The following GRK5 variants were observed in gnomAD, a reference collection of about 807,000 sequenced individuals.
GRK5 encodes the protein G protein-coupled receptor kinase 5, also known as g protein-coupled receptor kinase GRK5.
Under a neutral mutation model 78.4 loss-of-function variants are expected in GRK5, and 40 were observed. That is an observed-to-expected ratio of 0.51 (90% CI 0.40 to 0.66). The LOEUF is 0.66. Among genes scored for constraint, GRK5 ranks in the 30% least tolerant of loss-of-function variants. The probability of loss-of-function intolerance (pLI) is 0.00; values close to 1 mark genes in which losing one functional copy is unlikely to be tolerated. For synonymous variants in GRK5, 289 were observed against 296.8 expected, an observed-to-expected ratio of 0.97 and a Z score of 0.27; for missense variants, 598 against 759.9, an observed-to-expected ratio of 0.79 and a Z score of 2.50.
chr10:119,407,358 A>G (rs923987893), intron 4 of GRK5, among the ~76,000 whole-genome samples: 2 of 152,216 alleles, frequency 1.3e-5, no homozygotes, highest in Non-Finnish European at 2.9e-5. Context: ...GGAGGCCTCA[A>G]AAGGGATGCT....
At chr10:119,450,388 G>A (rs1214034791) in intron 13 of GRK5, among the ~76,000 whole-genome samples, 1 of 152,200 alleles carries the variant, frequency 6.6e-6, no homozygotes, top group Non-Finnish European at 1.5e-5. Flanking sequence ...CAAAACAGTT[G>A]GTTGTTTCCA....
In GRK5 at chr10:119,329,668, T is replaced by A. The variant is rs1039452982; in HGVS notation, c.148+3057T>A. Among the ~76,000 whole-genome samples, 29 of 152,000 alleles carry A rather than the reference T, an allele frequency of 1.9e-4. 1 individual carries two copies. The highest frequency in any genetic ancestry group is 6.6e-5 in the Admixed American group (1 of 15,262). On this transcript the variant is annotated intron_variant, in intron 2 of 15. Transcript: ENST00000392870. ...TCACTTGAACCTGGGAGGCAGAGGT[T>A]GCAGTGAGCCAAGATTGCGCCATTG... is the stretch of plus-strand genomic sequence containing the variant.
chr10:119,293,248 C>T (rs1042042013), intron 1 of GRK5, among the ~76,000 whole-genome samples: 2 of 152,154 alleles, frequency 1.3e-5, no homozygotes, highest in Non-Finnish European at 2.9e-5. Context: ...GGCTGGATGC[C>T]GTGGCTCACA....
chr10:119,289,337 A>G lies in GRK5; in HGVS notation c.53-37179A>G, dbSNP rs370336126. Among the ~76,000 whole-genome samples, 13 of 152,254 alleles carry G rather than the reference A, an allele frequency of 8.5e-5. No homozygotes were observed. In the East Asian group the frequency reaches 2.1e-3, roughly 25 times the overall value. On this transcript the variant is annotated intron_variant, in intron 1 of 15. Transcript: ENST00000392870. ...TGGGCACCTTTCCTTCCCCTTTTGA[A>G]GACTTAGGACTGGACCAGCTAAGGG...
At chr10:119,403,588 A>T (rs1397706483) in intron 4 of GRK5, among the ~76,000 whole-genome samples, 1 of 152,192 alleles carries the variant, frequency 6.6e-6, no homozygotes. Flanking sequence ...TTATTTAGTT[A>T]TCTGCTCATC....
chr10:119,253,960 A>G lies in GRK5; in HGVS notation c.52+45991A>G, dbSNP rs2133757008. Among the ~76,000 whole-genome samples, 1 of 152,282 alleles carries G rather than the reference A, an allele frequency of 6.6e-6. No individual in the cohort carries two copies. The highest frequency in any genetic ancestry group is 1.9e-4 in the East Asian group (1 of 5,176). The stretch of plus-strand genomic sequence containing the variant: ...ACTCTTTTTGAGATTCCCCAGGGGA[A>G]AAGGAGAAAGTACAGAAAGCCGTGA... On this transcript the variant is annotated intron_variant, in intron 1 of 15. Coordinates refer to ENST00000392870, the MANE Select transcript of GRK5 (RefSeq NM_005308.3). This position sits in a 1 kb window ranked among gnomAD's most constrained non-coding sequence, Gnocchi z 5.7.
intron 1 of GRK5, among the ~76,000 whole-genome samples, chr10:119,289,316 C>T (rs1307695186): frequency 6.6e-6 from 1 of 152,200 alleles, no homozygotes; most frequent in African/African-American, 2.4e-5. Flanking sequence ...GATTTCTGGG[C>T]ACCTTTCCTT....
chr10:119,262,487 C>T lies in GRK5; in HGVS notation c.52+54518C>T, dbSNP rs183437531. ...CCGAGTAGCTGGGACTACAGGTGTG[C>T]GCCACCACACCCAGCTAATTTTTTA... On this transcript the variant is annotated intron_variant, in intron 1 of 15. Coordinates refer to ENST00000392870, the MANE Select transcript of GRK5 (RefSeq NM_005308.3). Among the ~76,000 whole-genome samples the T allele has an allele frequency of 2.0e-3, 296 of 151,786 alleles. 1 individual carries two copies. Among genetic ancestry groups the T allele is most frequent in the African/African-American group, 6.7e-3 (277 of 41,374 alleles).
chr10:119,368,035 C>T lies in GRK5; in HGVS notation c.149-12780C>T, dbSNP rs554300776. 2.6e-4 allele frequency among the ~76,000 whole-genome samples: 39 copies of T among 152,350 alleles called. 1 individual carries two copies. The South Asian group carries it at 3.1e-3, about 12-fold the overall frequency. On this transcript the variant is annotated intron_variant, in intron 2 of 15. Coordinates refer to ENST00000392870, the MANE Select transcript of GRK5 (RefSeq NM_005308.3). ...TGCCTTGGTCCCTGGCTTGCCCAGCCGTTTCCTGGCCCGGCCCTCCGTGGC... is the reference window on the plus strand; with the variant it reads ...TGCCTTGGTCCCTGGCTTGCCCAGCTGTTTCCTGGCCCGGCCCTCCGTGGC...
intron 3 of GRK5, among the ~76,000 whole-genome samples, chr10:119,390,377 G>C (rs748510203): frequency 6.6e-6 from 1 of 152,142 alleles, no homozygotes; most frequent in Non-Finnish European, 1.5e-5. Flanking sequence ...GTGTGCAGCA[G>C]AACTGCCCTT....
In GRK5 at chr10:119,394,298, GTGTC is replaced by G. The variant is rs796278131; in HGVS notation, c.262-2393_262-2390del. On this transcript the variant is annotated intron_variant, in intron 3 of 15. Transcript: ENST00000392870. ...GGCGTGTGTGTGGGTGTGTATCTGT[GTGTC>G]TGTGTGGGCACGTGGGTGTGTGTAT... 2.0e-3 allele frequency among the ~76,000 whole-genome samples: 12 copies of G among 5,868 alleles called. 1 individual carries two copies. The highest frequency in any genetic ancestry group is 7.9e-3 in the South Asian group (1 of 126). 3.8% of individuals were successfully genotyped at this position (5,868 alleles called of 152,430 possible).
At chr10:119,216,465 C>T (rs1270902152) in intron 1 of GRK5, among the ~76,000 whole-genome samples, 3 of 152,118 alleles carry the variant, frequency 2.0e-5, no homozygotes, top group Admixed American at 6.6e-5. Context: ...CCTCTGTTTC[C>T]GGCATAGAGG....
intron 1 of GRK5, among the ~76,000 whole-genome samples, chr10:119,316,408 T>G (rs574733978): frequency 6.6e-6 from 1 of 152,158 alleles, no homozygotes; most frequent in Non-Finnish European, 1.5e-5. Context: ...TGCAACACAG[T>G]TCTAACTACC....
At chr10:119,410,571 A>G (rs1247010240) in intron 4 of GRK5, among the ~76,000 whole-genome samples, 4 of 152,158 alleles carry the variant, frequency 2.6e-5, no homozygotes, top group African/African-American at 9.7e-5. Flanking sequence ...TGCAGCCCCA[A>G]GGCAAGGCTT....
intron 6 of GRK5, among the ~76,000 whole-genome samples, chr10:119,426,023 G>C (rs1852671385): frequency 6.6e-6 from 1 of 152,208 alleles, no homozygotes. Context: ...GCTGGTAGAT[G>C]AGGGTGGGAG....
chr10:119,254,965 G>T (rs966266132), intron 1 of GRK5, among the ~76,000 whole-genome samples: 4 of 142,078 alleles, frequency 2.8e-5, no homozygotes, highest in African/African-American at 1.0e-4. Flanking sequence ...TTAAGCAGGA[G>T]AATTGCTTTA....
chr10:119,215,985 A>G (rs1164078277), intron 1 of GRK5, among the ~76,000 whole-genome samples: 5 of 152,256 alleles, frequency 3.3e-5, no homozygotes, highest in Non-Finnish European at 7.3e-5. Flanking sequence ...AGGTATACTT[A>G]AAGATGCCAA....
At chr10:119,399,327 C>A (rs1307969428) in intron 4 of GRK5, among the ~76,000 whole-genome samples, 1 of 152,222 alleles carries the variant, frequency 6.6e-6, no homozygotes, top group Non-Finnish European at 1.5e-5. Flanking sequence ...TGCTCTGGAG[C>A]CTCATTTACC....
intron 8 of GRK5, among the ~76,000 whole-genome samples, chr10:119,436,187 C>G (rs575123717): frequency 6.6e-5 from 10 of 152,220 alleles, no homozygotes; most frequent in Non-Finnish European, 5.9e-5. Flanking sequence ...AAGAGAAAGC[C>G]TTTACCAGGC....
Sources: gnomAD v4.1 joint callset for allele counts (sites outside exome capture counted in the v4.1 genomes callset) on GRCh38, gnomAD v4.1.1 for gene constraint, Gnocchi (gnomAD v3.1) non-coding constraint, MANE v1.5 for transcripts, NCBI Gene and HGNC (gene_info 2026-07-23, HGNC 2026-07-21) for gene names.